Variants in MAP3K12 observed in about 807,000 individuals in gnomAD.
MAP3K12 encodes the protein MAPK-upstream kinase.
A neutral mutation model predicts 87.5 loss-of-function variants in MAP3K12; 14 were observed. The ratio of observed to expected loss-of-function variants is 0.16; its 90% confidence interval spans 0.11 to 0.25. The LOEUF is 0.25. Ranked by LOEUF, MAP3K12 falls within the 10% of genes least tolerant of loss-of-function variation. MAP3K12 has a pLI of 1.00. For synonymous variants in MAP3K12, 469 were observed against 452.5 expected, an observed-to-expected ratio of 1.04 and a Z score of -0.46; for missense variants, 802 against 1,140.4, an observed-to-expected ratio of 0.70 and a Z score of 4.27.
Position 53,486,279 on chromosome 12 carries a change from G to C in MAP3K12, c.630-32C>G, listed in dbSNP as rs1222364918. ...GCCAAACAATGGTATGAAGGCCTCA[G>C]CTGGCTCAGCATTCACCTGATTCAT... is the stretch of plus-strand genomic sequence containing the variant. On this transcript the variant is annotated intron_variant, in intron 3 of 13. Coordinates refer to ENST00000547488, the MANE Select transcript of MAP3K12 (RefSeq NM_001193511.2). The surrounding 1 kb of genome is among the most constrained non-coding windows in gnomAD (Gnocchi z 4.9). 4.5e-6 allele frequency: 7 copies of C among 1,572,204 alleles called. No homozygotes were observed. The highest frequency in any genetic ancestry group is 6.1e-6 in the Non-Finnish European group (7 of 1,156,922).
chr12:53,487,523 T>A, intron 1 of MAP3K12, 95 bp from the exon 2 acceptor site: 2 of 1,272,400 alleles, frequency 1.6e-6, no homozygotes, highest in Non-Finnish European at 2.1e-6. Flanking sequence ...GGGTGCTGGG[T>A]TCACAGTAGC....
chr12:53,500,734 G>C (rs1943665956), upstream of MAP3K12: 1 of 152,712 alleles, frequency 6.5e-6, no homozygotes. Context: ...AAAGAGCCAG[G>C]ATCCGACGGC....
chr12:53,501,107 C>T, upstream of MAP3K12: 1 of 466,076 alleles, frequency 2.1e-6, no homozygotes, highest in Non-Finnish European at 3.9e-6. Flanking sequence ...GGAGGCGGGA[C>T]GGTATTACAA....
chr12:53,501,508 G>T, upstream of MAP3K12: 1 of 1,551,838 alleles, frequency 6.4e-7, no homozygotes, highest in African/African-American at 1.4e-5. Context: ...GCGTGGGGCC[G>T]TGCGGAGGGA....
At chr12:53,501,077 G>A (rs1943679276), upstream of MAP3K12, 2 of 381,748 alleles carry the variant, frequency 5.2e-6, no homozygotes, top group African/African-American at 4.2e-5. Flanking sequence ...CGGACCGGGA[G>A]AGAGGGGGCG....
upstream of MAP3K12, chr12:53,500,522 A>C (rs1269021385): frequency 9.2e-5 from 14 of 152,342 alleles, no homozygotes; most frequent in Admixed American, 7.9e-4. Flanking sequence ...TTCACAAAAG[A>C]AGCAACACCT....
At chr12:53,492,599 A>G (rs1943443770) in intron 1 of MAP3K12, among the ~76,000 whole-genome samples, 1 of 152,078 alleles carries the variant, frequency 6.6e-6, no homozygotes. Context: ...CAGCTTCCAA[A>G]TCCCCAACAT....
chr12:53,487,410 T>C lies in MAP3K12; in HGVS notation c.-19A>G. The C allele has an allele frequency of 6.3e-7, 1 of 1,594,552 alleles. No homozygotes were observed. Among genetic ancestry groups the C allele is most frequent in the Non-Finnish European group, 8.5e-7 (1 of 1,170,058 alleles). On this transcript the variant is annotated 5_prime_UTR_variant, in exon 2 of 14. Coordinates refer to ENST00000547488, the MANE Select transcript of MAP3K12 (RefSeq NM_001193511.2). ...AAGCCATCGCCTCTGGCCCCTGGTA[T>C]GATGGTGAACACTGGGCCCTGTGGG... is the stretch of plus-strand genomic sequence containing the variant.
chr12:53,487,338 C>CTTT lies in MAP3K12; in HGVS notation c.53_54insAAA (p.Val18_Ser19insLys). On this transcript the variant is annotated inframe_insertion, in exon 2 of 14. Coordinates refer to ENST00000547488, the MANE Select transcript of MAP3K12 (RefSeq NM_001193511.2). Reference sequence around the variant, plus strand: ...GCATGGATGCCTCACTTAGGGTAGACACAAAGCCCCCAAAGGAAGGAGAGG... The same window carrying CTTT: ...GCATGGATGCCTCACTTAGGGTAGACTTTACAAAGCCCCCAAAGGAAGGAGAGG... The CTTT allele has an allele frequency of 6.2e-7, 1 of 1,613,904 alleles. No homozygotes were observed. The highest frequency in any genetic ancestry group is 8.5e-7 in the Non-Finnish European group (1 of 1,179,910).
chr12:53,501,537 C>G (rs1378239269), upstream of MAP3K12: 1 of 1,544,788 alleles, frequency 6.5e-7, no homozygotes, highest in African/African-American at 1.4e-5. Context: ...GCGGCCCCAG[C>G]ATGCACCTGG....
At chr12:53,481,426 T>C (rs889763362) in intron 13 of MAP3K12, 146 bp from the exon 14 acceptor site, 8 of 354,870 alleles carry the variant, frequency 2.3e-5, no homozygotes, top group Non-Finnish European at 4.1e-5. Flanking sequence ...CTCGGCTCAC[T>C]GCAACCTCTG....
At chr12:53,498,391 G>A (rs1303456469) in intron 1 of MAP3K12, among the ~76,000 whole-genome samples, 1 of 152,136 alleles carries the variant, frequency 6.6e-6, no homozygotes, top group Non-Finnish European at 1.5e-5. Context: ...GGCTTGAGAC[G>A]ACTCTGGGTG....
rs779113566 is a variant in MAP3K12 at position 53,481,198 on chromosome 12, G to A, written c.2663C>T (p.Ala888Val). 1.1e-5 allele frequency: 16 copies of A among 1,523,684 alleles called. No homozygotes were observed. Among genetic ancestry groups the A allele is most frequent in the Non-Finnish European group, 1.3e-5 (15 of 1,132,348 alleles). 94.4% of individuals were successfully genotyped at this position (1,523,684 alleles called of 1,614,324 possible). ...SNSVDALRPP[A>V]SLPP is the part of the protein sequence containing the mutation. ...GAGTGGCTTTCATGGAGGGAGGGAA[G>A]CTGGGGGCCGCAAGGCATCAACGCT... is the stretch of plus-strand genomic sequence containing the variant. The change falls in exon 14 of 14, where the codon GCT (alanine) becomes GTT (valine). Residue 888 changes from alanine to valine, a missense_variant. This residue lies in a region of MAP3K12 where 490 missense variants were observed against 496.6 expected (regional missense o/e 0.99). Coordinates refer to ENST00000547488, the MANE Select transcript of MAP3K12 (RefSeq NM_001193511.2).
At chr12:53,495,339 CAAA>C (rs10647631) in intron 1 of MAP3K12, among the ~76,000 whole-genome samples, 6 of 19,352 alleles carry the variant, frequency 3.1e-4, no homozygotes, top group Admixed American at 9.8e-4. Context: ...ACTCTGTCTC[CAAA>C]AAAAAAAAAA....
At chr12:53,489,849 T>A (rs747336240) in intron 1 of MAP3K12, among the ~76,000 whole-genome samples, 26 of 152,108 alleles carry the variant, frequency 1.7e-4, no homozygotes, top group Non-Finnish European at 3.7e-4. Flanking sequence ...GCACCCTAGA[T>A]TTGTAAAGCT....
rs1221773145 is a variant in MAP3K12 at position 53,481,289 on chromosome 12, AAG to A, written c.2581-11_2581-10del. Reference sequence around the variant, plus strand: ...TCAGAATTGGGAGGGCCCTGTGAGAAAGAGTAGAAATGGAGTGAGATTCCTTG... The same window carrying A: ...TCAGAATTGGGAGGGCCCTGTGAGAAAGTAGAAATGGAGTGAGATTCCTTG... On this transcript the variant is annotated splice_polypyrimidine_tract_variant and intron_variant, in intron 13 of 13. Coordinates refer to ENST00000547488, the MANE Select transcript of MAP3K12 (RefSeq NM_001193511.2). The A allele has an allele frequency of 1.3e-5, 19 of 1,507,278 alleles. No individual in the cohort carries two copies. The highest frequency in any genetic ancestry group is 6.4e-5 in the South Asian group (5 of 78,252). 93.4% of individuals were successfully genotyped at this position (1,507,278 alleles called of 1,614,324 possible).
chr12:53,484,496 T>C (rs973587527), intron 6 of MAP3K12, 131 bp from the exon 7 acceptor site: 31 of 655,764 alleles, frequency 4.7e-5, no homozygotes, highest in East Asian at 1.9e-4. Context: ...AAAGAACTTA[T>C]GGTCAACTGT....
At chr12:53,500,922 C>A (rs1388160787), upstream of MAP3K12, 1 of 160,728 alleles carries the variant, frequency 6.2e-6, no homozygotes, top group East Asian at 1.9e-4. Flanking sequence ...CTTGACCCTG[C>A]CTCTCCAGCT....
chr12:53,493,635 A>G (rs1943476370), intron 1 of MAP3K12: 1 of 152,260 alleles, frequency 6.6e-6, no homozygotes, highest in Admixed American at 6.5e-5. Flanking sequence ...AAGGGGAGTG[A>G]GAAACACGGA....
Sources: gnomAD v4.1 joint callset for allele counts (sites outside exome capture counted in the v4.1 genomes callset) on GRCh38, gnomAD v4.1.1 for gene constraint, gnomAD v4.1.1 regional missense constraint, Gnocchi (gnomAD v3.1) non-coding constraint, MANE v1.5 for transcripts, NCBI Gene and HGNC (gene_info 2026-07-23, HGNC 2026-07-21) for gene names.